The following SYNJ1 variants were observed in gnomAD, a reference collection of about 807,000 sequenced individuals.
SYNJ1 encodes the protein polyphosphatidylinositol phosphatase SYNJ1.
Under a neutral mutation model 168.2 loss-of-function variants are expected in SYNJ1, and 78 were observed. The observed-to-expected ratio is 0.46, with a 90% CI of 0.39 to 0.56. The LOEUF (loss-of-function observed/expected upper bound fraction) is 0.56, where lower values mean the gene tolerates loss of function less well. Among genes scored for constraint, SYNJ1 ranks in the 20% least tolerant of loss-of-function variants. The probability of loss-of-function intolerance (pLI) is 0.00; values close to 1 mark genes in which losing one functional copy is unlikely to be tolerated. For missense variants in SYNJ1, 1,303 were observed against 1,597.6 expected (o/e 0.82, Z 3.14); for synonymous variants, 539 against 548.6 (o/e 0.98, Z 0.24).
In SYNJ1 at chr21:32,645,660, G is replaced by T. The variant is rs2040029014; in HGVS notation, c.3377C>A (p.Pro1126His). ...PPTRPAPPQR[P>H]PPPSGARSPA... is the part of the protein sequence containing the mutation. The stretch of plus-strand genomic sequence containing the variant: ...AAGGTTGTCACCTGAAGGCGGAGGA[G>T]GTCTCTGTGGGGGAGCCGGGCGTGT... Residue 1126 changes from proline (P) to histidine (H), a missense_variant, in exon 25 of 33, where the codon CCT becomes CAT. Around this residue, in one of 2 missense-constraint regions of SYNJ1, gnomAD observed 383 missense variants for 388.8 expected, o/e 0.99. Coordinates refer to ENST00000674351, the MANE Select transcript of SYNJ1 (RefSeq NM_203446.3). 2 of 1,529,664 alleles carry T rather than the reference G, an allele frequency of 1.3e-6. No homozygotes were observed. The highest frequency in any genetic ancestry group is 2.4e-5 in the East Asian group (1 of 42,414). 94.8% of individuals were successfully genotyped at this position (1,529,664 alleles called of 1,614,324 possible). A position where few individuals can be genotyped will look rare whatever the true frequency, so the allele number is the denominator to read the frequency against.
At chr21:32,728,119 T>C (rs1273812046), upstream of SYNJ1, 4 of 1,431,580 alleles carry the variant, frequency 2.8e-6, no homozygotes, top group Middle Eastern at 4.7e-4. Flanking sequence ...ACGCCCACTC[T>C]GCGCCGACCG....
At position 32,639,063 on chromosome 21, in the gene SYNJ1, G is replaced by A. The variant is rs749298495; in HGVS notation, c.3760C>T (p.Pro1254Ser). ...TCTTGCAACCTTTGAGCAGGCGGGG[G>A]CAAAGAAGACTGCGGAGGAAAAGCA... The part of the protein sequence containing the change: ...QAAFPPQSSL[P>S]PPAQRLQEPL... Residue 1254 changes from proline to serine, a missense_variant, in exon 31 of 33, where the codon CCC becomes TCC. Pro to Ser is a moderately conservative substitution (Grantham distance 74). This residue lies in a region of SYNJ1 where 383 missense variants were observed against 388.8 expected (regional missense o/e 0.99). Transcript: ENST00000674351. 28 of 1,613,966 alleles carry A rather than the reference G, an allele frequency of 1.7e-5. 1 individual carries two copies. In the South Asian group the frequency reaches 2.9e-4, roughly 16 times the overall value.
At chr21:32,641,847 A>T (rs1601243770) in intron 29 of SYNJ1, 49 bp downstream of exon 29, 1 of 1,425,562 alleles carries the variant, frequency 7.0e-7, no homozygotes, top group East Asian at 2.4e-5. Context: ...CTAGTAGTAA[A>T]CAGGACTTAG....
intron 2 of SYNJ1, among the ~76,000 whole-genome samples, chr21:32,718,282 C>G (rs1024586802): frequency 7.2e-5 from 11 of 152,092 alleles, no homozygotes; most frequent in Non-Finnish European, 1.3e-4. Flanking sequence ...GAAATGAAAG[C>G]ACTTAAGAAC....
intron 32 of SYNJ1, among the ~76,000 whole-genome samples, 154 bp downstream of exon 32, chr21:32,634,707 A>T (rs1372578933): frequency 6.6e-6 from 1 of 152,228 alleles, no homozygotes; most frequent in Non-Finnish European, 1.5e-5. Flanking sequence ...ACTAAGAAAA[A>T]GAAAAAGCAG....
At chr21:32,681,690 A>G (rs1407041164) in intron 10 of SYNJ1, 42 bp from the exon 11 acceptor site, 2 of 1,543,350 alleles carry the variant, frequency 1.3e-6, no homozygotes, top group African/African-American at 2.8e-5. Flanking sequence ...ACATTAATAT[A>G]TTAATTGTAA....
chr21:32,665,126 T>C, intron 17 of SYNJ1, 55 bp from the exon 18 acceptor site: 8 of 1,510,234 alleles, frequency 5.3e-6, no homozygotes, highest in Non-Finnish European at 7.2e-6. Flanking sequence ...TCAAAAATGT[T>C]TTACAACTAT....
chr21:32,724,648 A>G (rs1437265917), intron 2 of SYNJ1, among the ~76,000 whole-genome samples: 1 of 152,266 alleles, frequency 6.6e-6, no homozygotes, highest in Non-Finnish European at 1.5e-5. Context: ...TACAATAGGC[A>G]TTTTTAAAGT....
intron 14 of SYNJ1, among the ~76,000 whole-genome samples, chr21:32,672,336 CT>C (rs1330963998): frequency 6.7e-6 from 1 of 150,176 alleles, no homozygotes; most frequent in Non-Finnish European, 1.5e-5. Flanking sequence ...TTCTTTCTTT[CT>C]TTTTTTTTGT....
chr21:32,633,338 G>C (rs1195562020), intron 32 of SYNJ1, among the ~76,000 whole-genome samples: 1 of 152,058 alleles, frequency 6.6e-6, no homozygotes, highest in Non-Finnish European at 1.5e-5. Context: ...GGTTGGAGTG[G>C]AGCACAGCCA....
intron 10 of SYNJ1, 83 bp from the exon 11 acceptor site, chr21:32,681,731 C>G (rs530518226): frequency 4.5e-6 from 6 of 1,342,010 alleles, no homozygotes; most frequent in Non-Finnish European, 6.0e-6. Flanking sequence ...AGAATCAAAC[C>G]AAAAATTTAT....
At chr21:32,663,388 C>A (rs1255385931) in intron 18 of SYNJ1, among the ~76,000 whole-genome samples, 1 of 152,180 alleles carries the variant, frequency 6.6e-6, no homozygotes, top group Non-Finnish European at 1.5e-5. Flanking sequence ...AGAAAGGAAT[C>A]CATTTAGTAA....
intron 10 of SYNJ1, among the ~76,000 whole-genome samples, chr21:32,682,890 A>T (rs1601407906): frequency 6.6e-6 from 1 of 152,300 alleles, no homozygotes; most frequent in East Asian, 1.9e-4. Flanking sequence ...TCTTATCTAA[A>T]TGACCAACAT....
intron 17 of SYNJ1, 121 bp from the exon 18 acceptor site, chr21:32,665,192 G>A: frequency 2.0e-6 from 2 of 1,012,892 alleles, no homozygotes; most frequent in Non-Finnish European, 1.4e-6. Context: ...TGACCCAACA[G>A]TAATAACACA....
At chr21:32,690,872 A>G (rs1261242812) in intron 6 of SYNJ1, among the ~76,000 whole-genome samples, 1 of 152,248 alleles carries the variant, frequency 6.6e-6, no homozygotes, top group African/African-American at 2.4e-5. Context: ...CGGTGAGCCA[A>G]GACTGTGCCA....
intron 1 of SYNJ1, chr21:32,727,734 G>T: frequency 2.7e-6 from 3 of 1,101,948 alleles, no homozygotes; most frequent in Non-Finnish European, 3.7e-6. Flanking sequence ...GACAGCCGCT[G>T]TCACCACAGC....
chr21:32,632,995 G>A (rs2039407880), intron 32 of SYNJ1, among the ~76,000 whole-genome samples: 2 of 152,130 alleles, frequency 1.3e-5, no homozygotes, highest in Non-Finnish European at 2.9e-5. Flanking sequence ...ACTCCAGCTT[G>A]GGCAAGAGCA....
rs1436978655 is a variant in SYNJ1 at position 32,645,710 on chromosome 21, C to T, written c.3327G>A (p.Pro1109=). The stretch of plus-strand genomic sequence containing the variant: ...TGGGAGGGGCGACCGGGCGGGGCGG[C>T]GGCGGCCGCTTGGGCTCCAAGGGCT... ...PAQPLEPKRP[P]PPRPVAPPTR... The change falls in exon 25 of 33, where the codon CCG becomes CCA. Residue 1109 remains proline, a synonymous_variant. Coordinates refer to ENST00000674351, the MANE Select transcript of SYNJ1 (RefSeq NM_203446.3). The T allele has an allele frequency of 3.4e-6, 5 of 1,474,626 alleles. No individual in the cohort carries two copies. The highest frequency in any genetic ancestry group is 2.5e-5 in the East Asian group (1 of 40,742). The allele number at this position is 1,474,626 out of a possible 1,614,324, so 91.3% of individuals were successfully genotyped here. A position where few individuals can be genotyped will look rare whatever the true frequency, so the allele number is the denominator to read the frequency against.
In SYNJ1 at chr21:32,638,842, T is replaced by C. The variant is rs549801800; in HGVS notation, c.3915+66A>G. The C allele has an allele frequency of 4.2e-6, 6 of 1,412,956 alleles. No homozygotes were observed. In the East Asian group the frequency reaches 7.0e-5, roughly 16 times the overall value. 87.5% of individuals were successfully genotyped at this position (1,412,956 alleles called of 1,614,324 possible). Reference sequence around the variant, plus strand: ...TTCTTATAACAGGCAATAATTAAAATAGGTATGTTCAAAGACTAAATCATA... The same window carrying C: ...TTCTTATAACAGGCAATAATTAAAACAGGTATGTTCAAAGACTAAATCATA... On this transcript the variant is annotated intron_variant, in intron 31 of 32. Transcript: ENST00000674351.
Sources: allele counts gnomAD v4.1 joint callset (sites outside exome capture counted in the v4.1 genomes callset), GRCh38; gene constraint gnomAD v4.1.1; regional missense constraint gnomAD v4.1.1; transcripts MANE v1.5; gene names NCBI Gene and HGNC (gene_info 2026-07-23, HGNC 2026-07-21).